Variants in CENPO observed in about 807,000 individuals in gnomAD.
CENPO encodes the protein centromere protein O, also known as centromeric protein O.
In CENPO, 30 loss-of-function variants were observed where a neutral mutation model predicts 36.1. The observed-to-expected ratio is 0.83, with a 90% CI of 0.62 to 1.13. The LOEUF (loss-of-function observed/expected upper bound fraction) is 1.13. Among genes scored for constraint, CENPO ranks in the 50% most tolerant of loss-of-function variants. The pLI is 0.00. For synonymous variants in CENPO, 171 were observed against 142.3 expected (o/e 1.20, Z -1.44); for missense variants, 349 against 357.8 (o/e 0.98, Z 0.20).
chr2:24,794,779 C>A (rs1665810219), intron 2 of CENPO, among the ~76,000 whole-genome samples: 1 of 152,146 alleles, frequency 6.6e-6, no homozygotes, highest in South Asian at 2.1e-4. Flanking sequence ...ATGTTCTTTG[C>A]TACTAATACT....
At position 24,821,483 on chromosome 2, in the gene CENPO, C is replaced by A; in HGVS notation, c.*2165C>A. ...GCCAGGCCCCTGCATGGGAAGGGAG[C>A]CTGCTGCGGGGCAGGCCAGCTGGGG... On this transcript the variant is annotated 3_prime_UTR_variant, in exon 8 of 8. Coordinates refer to ENST00000380834, the MANE Select transcript of CENPO (RefSeq NM_001322101.2). 1.2e-6 allele frequency: 2 copies of A among 1,609,728 alleles called. No homozygotes were observed. Among genetic ancestry groups the A allele is most frequent in the Non-Finnish European group, 1.7e-6 (2 of 1,177,590 alleles).
intron 3 of CENPO, among the ~76,000 whole-genome samples, chr2:24,809,300 G>A (rs1666571156): frequency 6.6e-6 from 1 of 151,860 alleles, no homozygotes; most frequent in South Asian, 2.1e-4. Context: ...CCAACTTTTG[G>A]CTTTGCTGAT....
chr2:24,816,914 C>A, intron 6 of CENPO, 97 bp downstream of exon 6: 2 of 1,188,336 alleles, frequency 1.7e-6, no homozygotes, highest in Non-Finnish European at 2.4e-6. Context: ...CCTCTTGAGA[C>A]ACTTTCTCTG....
chr2:24,815,426 A>T, intron 4 of CENPO, 71 bp from the exon 5 acceptor site: 1 of 1,197,208 alleles, frequency 8.4e-7, no homozygotes, highest in Non-Finnish European at 1.2e-6. Context: ...TGTGGAAGCT[A>T]CTGGAGGCAC....
intron 3 of CENPO, among the ~76,000 whole-genome samples, chr2:24,803,822 A>T (rs1390978952): frequency 6.6e-6 from 1 of 151,988 alleles, no homozygotes; most frequent in Admixed American, 6.6e-5. Flanking sequence ...TGGGGTGGAG[A>T]GTTCTGTAGA....
chr2:24,820,026 A>C lies in CENPO; in HGVS notation c.*708A>C. On this transcript the variant is annotated 3_prime_UTR_variant, in exon 8 of 8. Coordinates refer to ENST00000380834, the MANE Select transcript of CENPO (RefSeq NM_001322101.2). ...CCGCCCCTTCAAGAAGAAGGTCAGC[A>C]GCTCCCCCTTCCCCTTCACAAAGAT... is the stretch of plus-strand genomic sequence containing the variant. The C allele has an allele frequency of 6.2e-7, 1 of 1,611,570 alleles. No homozygotes were observed. Among genetic ancestry groups the C allele is most frequent in the Non-Finnish European group, 8.5e-7 (1 of 1,178,846 alleles).
intron 3 of CENPO, among the ~76,000 whole-genome samples, chr2:24,810,807 C>T (rs187033888): frequency 6.6e-6 from 1 of 152,222 alleles, no homozygotes; most frequent in Admixed American, 6.5e-5. Flanking sequence ...CGCACCCGGC[C>T]TGCAGGGTAA....
chr2:24,811,368 G>A (rs1321581781), intron 3 of CENPO, among the ~76,000 whole-genome samples: 9 of 134,574 alleles, frequency 6.7e-5, no homozygotes, highest in East Asian at 2.4e-4. Context: ...TGCAACCTCC[G>A]CCTCCTGATT....
chr2:24,795,650 G>A (rs1665866551), intron 2 of CENPO, among the ~76,000 whole-genome samples: 1 of 152,166 alleles, frequency 6.6e-6, no homozygotes, highest in Admixed American at 6.5e-5. Flanking sequence ...TGGGAATATT[G>A]ATATCTACTG....
Position 24,821,460 on chromosome 2 carries a change from C to T in CENPO, c.*2142C>T. ...CCTCATGTCTCTCCTGGTGGTGGGC[C>T]AGGCCCCTGCATGGGAAGGGAGCCT... On this transcript the variant is annotated 3_prime_UTR_variant, in exon 8 of 8. Transcript: ENST00000380834. The T allele has an allele frequency of 6.3e-7, 1 of 1,599,074 alleles. No homozygotes were observed. Among genetic ancestry groups the T allele is most frequent in the Non-Finnish European group, 8.5e-7 (1 of 1,171,394 alleles).
intron 3 of CENPO, among the ~76,000 whole-genome samples, chr2:24,801,445 A>C (rs893157938): frequency 1.3e-5 from 2 of 152,038 alleles, no homozygotes; most frequent in East Asian, 3.8e-4. Flanking sequence ...TTCTTCTAGG[A>C]TTTGTATGGT....
At chr2:24,812,730 C>G (rs1000037120) in intron 3 of CENPO, among the ~76,000 whole-genome samples, 10 of 152,102 alleles carry the variant, frequency 6.6e-5, no homozygotes, top group Non-Finnish European at 1.2e-4. Context: ...AGATTTCCGT[C>G]TCATTCTTTT....
chr2:24,810,465 T>C, intron 3 of CENPO, among the ~76,000 whole-genome samples: 1 of 151,388 alleles, frequency 6.6e-6, no homozygotes, highest in South Asian at 2.1e-4. Flanking sequence ...TGAATCCTAG[T>C]ACAATAGTAA....
chr2:24,810,815 T>G (rs961341827), intron 3 of CENPO, among the ~76,000 whole-genome samples: 1 of 151,824 alleles, frequency 6.6e-6, no homozygotes, highest in Non-Finnish European at 1.5e-5. Flanking sequence ...GCCTGCAGGG[T>G]AAGTTTTTTC....
At chr2:24,806,264 C>T (rs368189640) in intron 3 of CENPO, among the ~76,000 whole-genome samples, 6 of 152,344 alleles carry the variant, frequency 3.9e-5, no homozygotes, top group Admixed American at 6.5e-5. Flanking sequence ...TGACCCCTTG[C>T]GCTTCCTGGG....
intron 3 of CENPO, 97 bp from the exon 4 acceptor site, chr2:24,814,279 C>A: frequency 1.3e-6 from 1 of 744,304 alleles, no homozygotes; most frequent in Middle Eastern, 2.4e-4. Flanking sequence ...TGTATTATAT[C>A]ATGTGCCTTG....
chr2:24,793,467 G>A lies in CENPO; in HGVS notation c.-103G>A. The A allele has an allele frequency of 6.9e-6, 11 of 1,604,532 alleles. No individual in the cohort carries two copies. The highest frequency in any genetic ancestry group is 9.4e-6 in the Non-Finnish European group (11 of 1,175,256). On this transcript the variant is annotated 5_prime_UTR_variant, in exon 1 of 8. Coordinates refer to ENST00000380834, the MANE Select transcript of CENPO (RefSeq NM_001322101.2). ...CGGGACCGGTTGGTTTGGTTTTGAA[G>A]ACGTGGATGGCGGGAATTCTCGCTT...
intron 6 of CENPO, among the ~76,000 whole-genome samples, chr2:24,817,438 T>C (rs1666989412): frequency 7.5e-6 from 1 of 132,560 alleles, no homozygotes; most frequent in African/African-American, 2.9e-5. Context: ...ATTGCATTGG[T>C]CCAGTAAGGG....
intron 2 of CENPO, among the ~76,000 whole-genome samples, chr2:24,798,571 C>T (rs2148252717): frequency 6.6e-6 from 1 of 152,038 alleles, no homozygotes; most frequent in African/African-American, 2.4e-5. Flanking sequence ...CGCCATTCTT[C>T]TGCCTCAGCC....
Sources: gnomAD v4.1 joint callset for allele counts (sites outside exome capture counted in the v4.1 genomes callset) on GRCh38, gnomAD v4.1.1 for gene constraint, MANE v1.5 for transcripts, NCBI Gene and HGNC (gene_info 2026-07-23, HGNC 2026-07-21) for gene names.